Variants in PATJ observed in about 807,000 individuals in gnomAD.
The protein encoded by PATJ is inaD-like protein.
PATJ carries 190 observed loss-of-function variants against 224.9 expected under a neutral mutation model. The observed-to-expected ratio is 0.84, with a 90% CI of 0.75 to 0.95. The LOEUF is 0.95. PATJ is among the 40% of genes least tolerant of loss of function. PATJ has a pLI of 0.00. For synonymous variants in PATJ, 769 were observed against 820.3 expected (o/e 0.94, Z 1.07); for missense variants, 2,121 against 2,270.3 (o/e 0.93, Z 1.34).
chr1:62,051,695 C>T (rs1653659290), intron 31 of PATJ, among the ~76,000 whole-genome samples: 1 of 152,106 alleles, frequency 6.6e-6, no homozygotes, highest in African/African-American at 2.4e-5. Flanking sequence ...TTAATTAGTC[C>T]TGGAGGCACA....
chr1:62,147,877 C>A (rs1355661959), intron 41 of PATJ, among the ~76,000 whole-genome samples: 7 of 151,240 alleles, frequency 4.6e-5, no homozygotes, highest in Non-Finnish European at 8.8e-5. Context: ...GCAGGAGAAT[C>A]ATTTGAACCC....
chr1:62,119,329 G>A (rs1425305559), intron 37 of PATJ, among the ~76,000 whole-genome samples: 1 of 152,122 alleles, frequency 6.6e-6, no homozygotes, highest in Non-Finnish European at 1.5e-5. Context: ...AGATTCCATT[G>A]CCAAACATTT....
intron 27 of PATJ, among the ~76,000 whole-genome samples, chr1:61,971,747 A>G (rs1490611413): frequency 6.6e-6 from 1 of 152,032 alleles, no homozygotes; most frequent in Non-Finnish European, 1.5e-5. Context: ...TAATCCCAAC[A>G]CTTTGGGAGG....
At chr1:62,016,636 A>C (rs959932678) in intron 28 of PATJ, among the ~76,000 whole-genome samples, 2 of 152,226 alleles carry the variant, frequency 1.3e-5, no homozygotes, top group African/African-American at 4.8e-5. Flanking sequence ...GGAATAAAGA[A>C]ATTTAGAATT....
chr1:61,937,842 G>A (rs1455670067), intron 27 of PATJ, among the ~76,000 whole-genome samples: 4 of 151,974 alleles, frequency 2.6e-5, no homozygotes, highest in Non-Finnish European at 5.9e-5. Flanking sequence ...TAGCGATAGG[G>A]TTTCCCCATG....
In PATJ at chr1:61,787,643, A is replaced by G. The variant is rs1648836130; in HGVS notation, c.850-111A>G. The G allele has an allele frequency of 8.3e-6, 6 of 721,114 alleles. No homozygotes were observed. The African/African-American group carries it at 1.1e-4, about 13-fold the overall frequency. 44.7% of individuals were successfully genotyped at this position (721,114 alleles called of 1,614,324 possible). ...AGTATTCCATTTTATTCAGCATTTTAGGTGGCTTCTTTGTCAGCCATTTTG... is the reference window on the plus strand; with the variant it reads ...AGTATTCCATTTTATTCAGCATTTTGGGTGGCTTCTTTGTCAGCCATTTTG... On this transcript the variant is annotated intron_variant, in intron 7 of 43. Coordinates refer to ENST00000642238, the MANE Select transcript of PATJ (RefSeq NM_001350145.3).
At chr1:61,978,160 A>T (rs1021583999) in intron 27 of PATJ, among the ~76,000 whole-genome samples, 5 of 151,562 alleles carry the variant, frequency 3.3e-5, no homozygotes, top group African/African-American at 9.7e-5. Flanking sequence ...ACAGGAAGAG[A>T]CATTTTCTCT....
intron 26 of PATJ, among the ~76,000 whole-genome samples, chr1:61,917,873 G>A (rs1363382613): frequency 2.6e-5 from 4 of 151,974 alleles, no homozygotes; most frequent in African/African-American, 4.8e-5. Flanking sequence ...CCAACATGGC[G>A]AAACCCCGTC....
At chr1:61,797,449 C>G in intron 11 of PATJ, 21 bp downstream of exon 11, 1 of 1,598,346 alleles carries the variant, frequency 6.3e-7, no homozygotes. Flanking sequence ...TGCCACCCCT[C>G]TATCCCTCAA....
intron 28 of PATJ, among the ~76,000 whole-genome samples, chr1:61,993,834 C>G (rs559142950): frequency 6.6e-6 from 1 of 152,104 alleles, no homozygotes; most frequent in African/African-American, 2.4e-5. Context: ...TAGAAACTTC[C>G]GGTATCTGTT....
intron 11 of PATJ, among the ~76,000 whole-genome samples, chr1:61,800,970 A>C (rs968116913): frequency 6.6e-6 from 1 of 152,148 alleles, no homozygotes; most frequent in Non-Finnish European, 1.5e-5. Flanking sequence ...TTCTTAATCC[A>C]GTCTATCACT....
At chr1:61,807,087 G>T (rs897266236) in intron 13 of PATJ, among the ~76,000 whole-genome samples, 4 of 152,090 alleles carry the variant, frequency 2.6e-5, no homozygotes, top group Non-Finnish European at 5.9e-5. Flanking sequence ...GGAGGCGGAG[G>T]TTGTGGTGAG....
intron 16 of PATJ, among the ~76,000 whole-genome samples, chr1:61,832,525 T>C (rs1338909647): frequency 6.6e-6 from 1 of 152,154 alleles, no homozygotes; most frequent in Non-Finnish European, 1.5e-5. Context: ...AAGTCTACTT[T>C]TAAAAATTAT....
intron 22 of PATJ, among the ~76,000 whole-genome samples, chr1:61,884,927 A>C (rs1211588139): frequency 6.6e-6 from 1 of 152,240 alleles, no homozygotes; most frequent in Non-Finnish European, 1.5e-5. Flanking sequence ...AAGTAGCCAT[A>C]GAACAACAAA....
chr1:62,010,078 CAAAAAAAA>C (rs34658070), intron 28 of PATJ, among the ~76,000 whole-genome samples: 4 of 84,272 alleles, frequency 4.7e-5, no homozygotes, highest in African/African-American at 1.1e-4. Flanking sequence ...GACTCCATCT[CAAAAAAAA>C]AAAAAAAAAA....
At chr1:61,943,496 C>A (rs913304477) in intron 27 of PATJ, among the ~76,000 whole-genome samples, 3 of 152,178 alleles carry the variant, frequency 2.0e-5, no homozygotes, top group African/African-American at 7.2e-5. Context: ...GCTAGCACAG[C>A]AGTCTGAGAT....
At chr1:61,833,477 T>C (rs897178206) in intron 16 of PATJ, 177 bp from the exon 17 acceptor site, 4 of 477,410 alleles carry the variant, frequency 8.4e-6, no homozygotes, top group African/African-American at 8.0e-5. Flanking sequence ...TATAAGATCT[T>C]ATCCTGGAGT....
intron 28 of PATJ, among the ~76,000 whole-genome samples, chr1:62,000,954 A>G (rs35352493): frequency 0.16 from 23,540 of 145,508 alleles, 2,300 homozygotes; most frequent in Non-Finnish European, 0.21. Context: ...GCCAGTGATG[A>G]TGAGCATTTT....
intron 30 of PATJ, among the ~76,000 whole-genome samples, chr1:62,047,979 T>C (rs1017950443): frequency 6.6e-6 from 1 of 152,212 alleles, no homozygotes; most frequent in African/African-American, 2.4e-5. Context: ...CACTCAATAC[T>C]GAAAAGGAAG....
Sources: gnomAD v4.1 joint callset for allele counts (sites outside exome capture counted in the v4.1 genomes callset) on GRCh38, gnomAD v4.1.1 for gene constraint, MANE v1.5 for transcripts, NCBI Gene and HGNC (gene_info 2026-07-23, HGNC 2026-07-21) for gene names.